Variants in SUCLG2 observed in about 807,000 individuals in gnomAD.
The protein encoded by SUCLG2 is succinate-CoA ligase GDP-forming subunit beta.
Under a neutral mutation model 47.9 loss-of-function variants are expected in SUCLG2, and 42 were observed. That is an observed-to-expected ratio of 0.88 (90% CI 0.69 to 1.14). The LOEUF (loss-of-function observed/expected upper bound fraction) is 1.14. SUCLG2 is among the 50% of genes most tolerant of loss of function. The pLI, the probability that SUCLG2 is intolerant of heterozygous loss-of-function variation, is 0.00. For synonymous variants in SUCLG2, 195 were observed against 197.3 expected (o/e 0.99, Z 0.10); for missense variants, 571 against 525.9 (o/e 1.09, Z -0.84).
At chr3:67,612,951 A>G (rs952865497) in intron 1 of SUCLG2, among the ~76,000 whole-genome samples, 3 of 152,238 alleles carry the variant, frequency 2.0e-5, no homozygotes, top group East Asian at 3.8e-4. Context: ...TATAAAGGAT[A>G]TGACAAAAGA....
intron 10 of SUCLG2, chr3:67,376,584 T>C: frequency 1.2e-6 from 1 of 842,626 alleles, no homozygotes; most frequent in Non-Finnish European, 1.4e-6. Context: ...TTTATCTAGT[T>C]GGCAAGACAG....
chr3:67,569,302 A>G (rs1272855262), intron 2 of SUCLG2, among the ~76,000 whole-genome samples: 1 of 152,230 alleles, frequency 6.6e-6, no homozygotes, highest in African/African-American at 2.4e-5. Context: ...CTATTTGCCC[A>G]GATGCCTGTC....
At chr3:67,513,599 G>T (rs980091311) in intron 6 of SUCLG2, among the ~76,000 whole-genome samples, 3 of 152,164 alleles carry the variant, frequency 2.0e-5, no homozygotes, top group African/African-American at 7.2e-5. Context: ...GGAATGGCAT[G>T]GCATGTGGCA....
intron 7 of SUCLG2, among the ~76,000 whole-genome samples, chr3:67,502,182 T>C (rs1056042471): frequency 7.2e-5 from 11 of 152,198 alleles, no homozygotes; most frequent in African/African-American, 2.7e-4. Context: ...ATAGGATACC[T>C]AGCTAGTGTC....
chr3:67,539,595 C>T (rs922799089), intron 2 of SUCLG2, among the ~76,000 whole-genome samples: 1 of 152,128 alleles, frequency 6.6e-6, no homozygotes, highest in African/African-American at 2.4e-5. Context: ...GGGACGAGTC[C>T]CTCCTTTTCT....
chr3:67,581,409 G>C (rs891109583), intron 2 of SUCLG2, among the ~76,000 whole-genome samples: 1 of 152,224 alleles, frequency 6.6e-6, no homozygotes, highest in East Asian at 1.9e-4. Flanking sequence ...TGGAAGGTCT[G>C]TCAATGAGAA....
chr3:67,556,064 G>A (rs1464844935), intron 2 of SUCLG2, among the ~76,000 whole-genome samples: 2 of 152,196 alleles, frequency 1.3e-5, no homozygotes, highest in Non-Finnish European at 2.9e-5. Flanking sequence ...GTTGAGAGAC[G>A]TTCTAAACAG....
intron 9 of SUCLG2, among the ~76,000 whole-genome samples, chr3:67,421,329 C>T (rs551465965): frequency 3.7e-4 from 57 of 152,274 alleles, no homozygotes; most frequent in South Asian, 2.9e-3. Flanking sequence ...CCTAGACACA[C>T]GCTAACAGAG....
At position 67,589,471 on chromosome 3, in the gene SUCLG2, C is replaced by A. The variant is rs181766624; in HGVS notation, c.226+19984G>T. On this transcript the variant is annotated intron_variant, in intron 2 of 10. Coordinates refer to ENST00000307227, the MANE Select transcript of SUCLG2 (RefSeq NM_003848.4). ...TAATAATGTGATTGAAGTGGCCAAA[C>A]AATCCAATGGAATCCAACTTGTATC... Among the ~76,000 whole-genome samples, 153 of 152,312 alleles carry A rather than the reference C, an allele frequency of 1.0e-3. 1 individual carries two copies. The highest frequency in any genetic ancestry group is 1.4e-3 in the Non-Finnish European group (93 of 68,024).
intron 2 of SUCLG2, among the ~76,000 whole-genome samples, chr3:67,575,880 TA>T (rs1707729278): frequency 6.6e-6 from 1 of 152,172 alleles, no homozygotes; most frequent in Admixed American, 6.5e-5. Flanking sequence ...AACATGAATC[TA>T]GTGGAATTCT....
intron 2 of SUCLG2, among the ~76,000 whole-genome samples, chr3:67,551,245 C>T (rs887706679): frequency 6.6e-6 from 1 of 152,210 alleles, no homozygotes; most frequent in African/African-American, 2.4e-5. Flanking sequence ...ACTGCCCTGC[C>T]ACCTTCTGAT....
chr3:67,487,499 T>TACACACACAC (rs143841918), intron 9 of SUCLG2, among the ~76,000 whole-genome samples: 24,533 of 149,788 alleles, frequency 0.16, 2,184 homozygotes, highest in South Asian at 0.26. Flanking sequence ...AACACACATA[T>TACACACACAC]ACACACACAC....
At chr3:67,461,874 G>A (rs1704346071) in intron 9 of SUCLG2, among the ~76,000 whole-genome samples, 2 of 152,036 alleles carry the variant, frequency 1.3e-5, no homozygotes, top group South Asian at 2.1e-4. Flanking sequence ...GGCAAAGTGA[G>A]GAGGGAGAGG....
At chr3:67,611,154 T>C (rs576077340) in intron 1 of SUCLG2, among the ~76,000 whole-genome samples, 2 of 152,344 alleles carry the variant, frequency 1.3e-5, no homozygotes, top group South Asian at 2.1e-4. Flanking sequence ...ATATAATGTA[T>C]ACATGCTGGT....
chr3:67,532,339 T>C (rs1419896419), intron 2 of SUCLG2, among the ~76,000 whole-genome samples: 1 of 152,174 alleles, frequency 6.6e-6, no homozygotes, highest in African/African-American at 2.4e-5. Context: ...GTTTCCCATG[T>C]TGCTCCAGCT....
chr3:67,582,576 A>G (rs1345960239), intron 2 of SUCLG2, among the ~76,000 whole-genome samples: 2 of 152,160 alleles, frequency 1.3e-5, no homozygotes, highest in Non-Finnish European at 2.9e-5. Context: ...TACAATGAAC[A>G]TATATGTGCA....
chr3:67,459,276 A>G (rs539699478), intron 9 of SUCLG2, among the ~76,000 whole-genome samples: 2 of 152,228 alleles, frequency 1.3e-5, no homozygotes, highest in African/African-American at 4.8e-5. Flanking sequence ...GTATTCTGAA[A>G]TAACAACATT....
At chr3:67,479,069 T>C (rs556992606) in intron 9 of SUCLG2, among the ~76,000 whole-genome samples, 24 of 152,190 alleles carry the variant, frequency 1.6e-4, no homozygotes, top group African/African-American at 4.8e-4. Flanking sequence ...AAGACAGACA[T>C]GAACATCCAA....
At chr3:67,424,252 G>A (rs1338956935) in intron 9 of SUCLG2, among the ~76,000 whole-genome samples, 4 of 152,152 alleles carry the variant, frequency 2.6e-5, no homozygotes, top group African/African-American at 9.7e-5. Context: ...TCAGCCCACT[G>A]TGCCTGGGGA....
Sources: allele counts gnomAD v4.1 joint callset (sites outside exome capture counted in the v4.1 genomes callset), GRCh38; gene constraint gnomAD v4.1.1; transcripts MANE v1.5; gene names NCBI Gene and HGNC (gene_info 2026-07-23, HGNC 2026-07-21).